SAMD12: variants seen among roughly 807,000 people sequenced by gnomAD.
SAMD12 encodes sterile alpha motif domain-containing protein 12.
SAMD12 carries 9 observed loss-of-function variants against 15.0 expected under a neutral mutation model. The observed-to-expected ratio is 0.60, with a 90% CI of 0.36 to 1.05. SAMD12 has a LOEUF of 1.05. Ranked by LOEUF, SAMD12 falls within the 50% of genes least tolerant of loss-of-function variation. The pLI is 0.01. For synonymous variants in SAMD12, 86 were observed against 90.1 expected, an observed-to-expected ratio of 0.96 and a Z score of 0.25; for missense variants, 230 against 234.2, an observed-to-expected ratio of 0.98 and a Z score of 0.12.
intron 2 of SAMD12, among the ~76,000 whole-genome samples, chr8:118,574,754 C>T (rs1034469755): frequency 2.0e-5 from 3 of 152,138 alleles, no homozygotes; most frequent in Admixed American, 1.3e-4. Flanking sequence ...GTCTCTTGTT[C>T]TGACCCTTAT....
chr8:118,448,541 T>G (rs981289135), intron 2 of SAMD12, among the ~76,000 whole-genome samples: 4 of 152,320 alleles, frequency 2.6e-5, no homozygotes, highest in African/African-American at 9.6e-5. Flanking sequence ...AGATCCTACA[T>G]CCTTTGAGTG....
chr8:118,145,064 A>G, the SAMD12 span, among the ~76,000 whole-genome samples: 1 of 152,238 alleles, frequency 6.6e-6, no homozygotes, highest in South Asian at 2.1e-4. Flanking sequence ...AAGGCTTTTA[A>G]TGCTTTTGGA....
intron 4 of SAMD12, among the ~76,000 whole-genome samples, chr8:118,221,732 T>C (rs17507592): frequency 0.028 from 4,326 of 152,278 alleles, 202 homozygotes; most frequent in African/African-American, 0.097. Context: ...GCCACGGTCA[T>C]AGTTATGGTT....
chr8:118,590,418 G>A (rs1439271752), intron 1 of SAMD12, among the ~76,000 whole-genome samples: 1 of 152,206 alleles, frequency 6.6e-6, no homozygotes, highest in East Asian at 1.9e-4. Context: ...CAAAATGTCA[G>A]CTGAGATGAT....
the SAMD12 span, among the ~76,000 whole-genome samples, chr8:118,170,756 TG>T: frequency 6.6e-6 from 1 of 152,162 alleles, no homozygotes; most frequent in South Asian, 2.1e-4. Flanking sequence ...TAAACCTTTG[TG>T]ACCTTGGCTA....
intron 2 of SAMD12, among the ~76,000 whole-genome samples, chr8:118,499,458 G>A (rs1218160546): frequency 1.3e-5 from 2 of 152,314 alleles, no homozygotes; most frequent in Middle Eastern, 3.4e-3. Context: ...AGACTTATTA[G>A]CCACATGTCC....
chr8:118,168,004 G>A, the SAMD12 span, among the ~76,000 whole-genome samples: 2 of 152,136 alleles, frequency 1.3e-5, no homozygotes, highest in Non-Finnish European at 2.9e-5. Context: ...GTACCCAGTG[G>A]GAGGTAATTG....
intron 2 of SAMD12, among the ~76,000 whole-genome samples, chr8:118,554,472 G>A (rs1272638784): frequency 1.3e-5 from 2 of 148,408 alleles, no homozygotes; most frequent in East Asian, 3.9e-4. Flanking sequence ...TCATAGGTGG[G>A]AATTGAACAA....
intron 2 of SAMD12, among the ~76,000 whole-genome samples, chr8:118,546,034 A>G (rs1194385513): frequency 1.3e-5 from 2 of 152,210 alleles, no homozygotes; most frequent in Non-Finnish European, 1.5e-5. Context: ...CATGGAGCAC[A>G]TGTAAAACAT....
At chr8:118,205,402 A>G (rs1254756610) in intron 4 of SAMD12, among the ~76,000 whole-genome samples, 1 of 152,256 alleles carries the variant, frequency 6.6e-6, no homozygotes, top group Non-Finnish European at 1.5e-5. Context: ...GGTGCTTAGC[A>G]TCAGGCTAAG....
chr8:118,580,839 C>T lies in SAMD12; in HGVS notation c.68G>A (p.Gly23Asp). The T allele has an allele frequency of 1.9e-6, 3 of 1,612,720 alleles. No homozygotes were observed. Among genetic ancestry groups the T allele is most frequent in the Non-Finnish European group, 2.5e-6 (3 of 1,179,220 alleles). The stretch of plus-strand genomic sequence containing the variant: ...TTCACCTTCAATTTGCAGTTTAATA[C>T]CTTCAGCATGGGCAGGGTGATCAAT... ...RGIDHPAHAE[G>D]IKLQIEGEGV... is the part of the protein sequence containing the mutation. Residue 23 changes from glycine to aspartate, a missense_variant, in exon 2 of 4, where the codon GGT (glycine) becomes GAT (aspartate). Coordinates refer to ENST00000314727, the MANE Select transcript of SAMD12 (RefSeq NM_207506.3).
chr8:118,285,102 C>CT (rs926039984), intron 4 of SAMD12: 36 of 149,702 alleles, frequency 2.4e-4, no homozygotes, highest in African/African-American at 3.4e-4. Context: ...CCCCATTCAA[C>CT]TTTTTTTTTT....
At chr8:118,620,177 C>T (rs776559149) in intron 1 of SAMD12, among the ~76,000 whole-genome samples, 15 of 152,148 alleles carry the variant, frequency 9.9e-5, no homozygotes, top group South Asian at 4.1e-4. Flanking sequence ...AAATTGTTTT[C>T]GAGAACAGTG....
At chr8:118,338,728 T>C (rs979027956) in intron 4 of SAMD12, among the ~76,000 whole-genome samples, 4 of 152,230 alleles carry the variant, frequency 2.6e-5, no homozygotes, top group African/African-American at 4.8e-5. Flanking sequence ...CATTTCTAAC[T>C]ACAGCTCAGC....
At chr8:118,248,512 T>C (rs1235761173) in intron 4 of SAMD12, among the ~76,000 whole-genome samples, 1 of 152,146 alleles carries the variant, frequency 6.6e-6, no homozygotes. Flanking sequence ...TGATGTCTGA[T>C]GTCTGCCATG....
the SAMD12 span, among the ~76,000 whole-genome samples, chr8:118,150,312 C>T: frequency 6.6e-6 from 1 of 152,158 alleles, no homozygotes; most frequent in Non-Finnish European, 1.5e-5. Context: ...CTTATTCTCC[C>T]TGCCCTTATA....
At chr8:118,442,950 G>A (rs1822803823) in intron 2 of SAMD12, among the ~76,000 whole-genome samples, 1 of 152,168 alleles carries the variant, frequency 6.6e-6, no homozygotes. Context: ...AGCCTCAGCT[G>A]GGCTTCAGGT....
At chr8:118,616,960 G>A (rs775631452) in intron 1 of SAMD12, among the ~76,000 whole-genome samples, 2 of 152,154 alleles carry the variant, frequency 1.3e-5, no homozygotes, top group African/African-American at 2.4e-5. Flanking sequence ...AGGTGGAACA[G>A]TTTCATCCCA....
At chr8:118,231,142 G>A (rs1257950130) in intron 4 of SAMD12, among the ~76,000 whole-genome samples, 2 of 152,102 alleles carry the variant, frequency 1.3e-5, no homozygotes, top group Non-Finnish European at 2.9e-5. Flanking sequence ...TAACATAAAT[G>A]CACCCAGGAC....
Sources: gnomAD v4.1 joint callset for allele counts (sites outside exome capture counted in the v4.1 genomes callset) on GRCh38, gnomAD v4.1.1 for gene constraint, MANE v1.5 for transcripts, NCBI Gene and HGNC (gene_info 2026-07-23, HGNC 2026-07-21) for gene names.